The following NAV2 variants were observed in gnomAD, a reference collection of about 807,000 sequenced individuals.
The protein encoded by NAV2 is neuron navigator 2.
Under a neutral mutation model 223.2 loss-of-function variants are expected in NAV2, and 54 were observed. The ratio of observed to expected loss-of-function variants is 0.24; its 90% CI spans 0.19 to 0.30. NAV2 has a LOEUF of 0.30. Among genes scored for constraint, NAV2 ranks in the 10% least tolerant of loss-of-function variants. NAV2 has a pLI of 1.00. For missense variants in NAV2, 2,806 were observed against 3,147.5 expected (o/e 0.89, Z 2.60); for synonymous variants, 1,279 against 1,239.3 (o/e 1.03, Z -0.67).
At chr11:19,444,620 T>C (rs1851518693) in intron 1 of NAV2, among the ~76,000 whole-genome samples, 1 of 152,126 alleles carries the variant, frequency 6.6e-6, no homozygotes, top group South Asian at 2.1e-4. Flanking sequence ...AAGGAATGAG[T>C]TCCCTTTGTG....
chr11:19,818,922 C>T (rs2059241675), intron 1 of NAV2, among the ~76,000 whole-genome samples: 1 of 152,172 alleles, frequency 6.6e-6, no homozygotes, highest in South Asian at 2.1e-4. Context: ...TCTATTTGTG[C>T]ATCCCCCACC....
At chr11:19,829,704 C>T (rs1822353) in intron 1 of NAV2, among the ~76,000 whole-genome samples, 52,135 of 151,978 alleles carry the variant, frequency 0.34, 9,962 homozygotes, top group East Asian at 0.58. Context: ...TTCCAGAGCA[C>T]GCCTCTTTAT....
At chr11:19,800,662 AAGG>A (rs971383490) in intron 1 of NAV2, among the ~76,000 whole-genome samples, 2 of 144,776 alleles carry the variant, frequency 1.4e-5, no homozygotes, top group African/African-American at 5.2e-5. Flanking sequence ...GAGAGAAAAA[AAGG>A]AGAATGGGTG....
chr11:19,790,743 C>G (rs1382081059), intron 1 of NAV2, among the ~76,000 whole-genome samples: 3 of 152,148 alleles, frequency 2.0e-5, no homozygotes, highest in Admixed American at 6.5e-5. Context: ...TTACTGCCCC[C>G]CAAGGTGTGA....
intron 7 of NAV2, among the ~76,000 whole-genome samples, chr11:19,937,061 C>T (rs1021961284): frequency 1.3e-5 from 2 of 152,120 alleles, no homozygotes; most frequent in Non-Finnish European, 2.9e-5. Flanking sequence ...TCCCTTGAAC[C>T]TGGGAAGCGG....
At chr11:19,979,704 A>G (rs2050132964) in intron 10 of NAV2, among the ~76,000 whole-genome samples, 1 of 152,196 alleles carries the variant, frequency 6.6e-6, no homozygotes. Flanking sequence ...AGCAGGAACT[A>G]GGTCTTGCCA....
intron 20 of NAV2, among the ~76,000 whole-genome samples, chr11:20,065,101 A>T (rs951619149): frequency 6.6e-6 from 1 of 152,248 alleles, no homozygotes; most frequent in South Asian, 2.1e-4. Context: ...AAGAAAAACT[A>T]CAAGTCTGGC....
chr11:19,795,478 T>C (rs1475277371), intron 1 of NAV2, among the ~76,000 whole-genome samples: 1 of 152,200 alleles, frequency 6.6e-6, no homozygotes, highest in Admixed American at 6.5e-5. Context: ...AAAAGCAATA[T>C]TGGGCAAAAT....
intron 10 of NAV2, among the ~76,000 whole-genome samples, chr11:19,982,485 C>T (rs1335277709): frequency 6.6e-6 from 1 of 152,152 alleles, no homozygotes; most frequent in Non-Finnish European, 1.5e-5. Context: ...AATGTATTCA[C>T]AGAGTGGTTT....
chr11:19,818,645 CTT>C (rs1196365257), intron 1 of NAV2, among the ~76,000 whole-genome samples: 4 of 152,192 alleles, frequency 2.6e-5, no homozygotes, highest in African/African-American at 9.7e-5. Context: ...AACCAACTCT[CTT>C]GAGCCAGTCC....
chr11:19,959,127 A>G (rs2048142157), intron 10 of NAV2, among the ~76,000 whole-genome samples: 1 of 152,154 alleles, frequency 6.6e-6, no homozygotes, highest in Admixed American at 6.5e-5. Context: ...GTCATTTCCT[A>G]GCTTTCCCTC....
At chr11:20,089,036 G>A (rs960202413) in intron 26 of NAV2, among the ~76,000 whole-genome samples, 10 of 151,784 alleles carry the variant, frequency 6.6e-5, no homozygotes, top group African/African-American at 2.2e-4. Flanking sequence ...GGTTCTATCA[G>A]TAAACCTCAC....
intron 1 of NAV2, among the ~76,000 whole-genome samples, chr11:19,598,674 A>G (rs781325336): frequency 3.9e-5 from 6 of 152,246 alleles, no homozygotes; most frequent in Non-Finnish European, 7.4e-5. Context: ...AGATTAAGGA[A>G]TTTGCCCGAG....
At chr11:19,959,901 T>C (rs187346417) in intron 10 of NAV2, among the ~76,000 whole-genome samples, 106 of 152,306 alleles carry the variant, frequency 7.0e-4, no homozygotes, top group Middle Eastern at 6.8e-3. Flanking sequence ...TGCTGTCTTG[T>C]TGGAACGGAC....
chr11:19,975,166 C>A (rs567958928), intron 10 of NAV2, among the ~76,000 whole-genome samples: 12 of 152,206 alleles, frequency 7.9e-5, no homozygotes, highest in Non-Finnish European at 1.8e-4. Flanking sequence ...TGCTGCAATT[C>A]CACACTGACA....
At chr11:19,450,349 A>G (rs975305166) in intron 1 of NAV2, among the ~76,000 whole-genome samples, 11 of 152,152 alleles carry the variant, frequency 7.2e-5, no homozygotes, top group Non-Finnish European at 1.5e-4. Context: ...TCTCTTTGTC[A>G]GTGTCTAAAG....
rs779794852 is a variant in NAV2 at position 19,713,982 on chromosome 11, G to A, written c.267+20G>A. The A allele has an allele frequency of 7.4e-6, 12 of 1,612,042 alleles. No homozygotes were observed. Among genetic ancestry groups the A allele is most frequent in the South Asian group, 3.3e-5 (3 of 90,844 alleles). On this transcript the variant is annotated intron_variant, in intron 1 of 37. Transcript: ENST00000349880. This position sits in a 1 kb window ranked among gnomAD's most constrained non-coding sequence, Gnocchi z 7.2. ...ACCCAGGTGAGAGATGCCGTTTGCCGGGGTACTGTTCTGGAAGGATGGATG... is the reference window on the plus strand; with the variant it reads ...ACCCAGGTGAGAGATGCCGTTTGCCAGGGTACTGTTCTGGAAGGATGGATG...
chr11:19,708,792 G>T (rs1301423222), upstream of NAV2, among the ~76,000 whole-genome samples: 2 of 151,668 alleles, frequency 1.3e-5, no homozygotes, highest in Admixed American at 6.6e-5. Context: ...ACATTTGGGT[G>T]ATTCTGCAAG....
At chr11:19,396,969 G>A (rs1255612502) in intron 1 of NAV2, among the ~76,000 whole-genome samples, 2 of 152,088 alleles carry the variant, frequency 1.3e-5, no homozygotes, top group Non-Finnish European at 2.9e-5. Context: ...CTTTTTATGG[G>A]GACCACTGAG....
Sources: gnomAD v4.1 joint callset for allele counts (sites outside exome capture counted in the v4.1 genomes callset) on GRCh38, gnomAD v4.1.1 for gene constraint, Gnocchi (gnomAD v3.1) non-coding constraint, MANE v1.5 for transcripts, NCBI Gene and HGNC (gene_info 2026-07-23, HGNC 2026-07-21) for gene names.